The following ADAMTS19 variants were observed in gnomAD, a reference collection of about 807,000 sequenced individuals.
The protein encoded by ADAMTS19 is A disintegrin and metalloproteinase with thrombospondin motifs 19.
Under a neutral mutation model 153.3 loss-of-function variants are expected in ADAMTS19, and 93 were observed. The ratio of observed to expected loss-of-function variants is 0.61; its 90% CI spans 0.51 to 0.72. The LOEUF is 0.72. Ranked by LOEUF, ADAMTS19 falls within the 30% of genes least tolerant of loss-of-function variation. The pLI, the probability that ADAMTS19 is intolerant of heterozygous loss-of-function variation, is 0.00. For synonymous variants in ADAMTS19, 600 were observed against 556.6 expected, an observed-to-expected ratio of 1.08 and a Z score of -1.10; for missense variants, 1,482 against 1,552.1, an observed-to-expected ratio of 0.95 and a Z score of 0.76.
chr5:129,610,353 A>G (rs1477149971), intron 8 of ADAMTS19, among the ~76,000 whole-genome samples: 1 of 152,076 alleles, frequency 6.6e-6, no homozygotes, highest in Non-Finnish European at 1.5e-5. Flanking sequence ...GGTTTGTTAC[A>G]TATGTATACA....
At chr5:129,595,023 G>A (rs1449075549) in intron 7 of ADAMTS19, among the ~76,000 whole-genome samples, 1 of 151,908 alleles carries the variant, frequency 6.6e-6, no homozygotes, top group Non-Finnish European at 1.5e-5. Context: ...AATTTGTAAA[G>A]ATATAAAAAA....
Position 129,658,346 on chromosome 5 carries a change from A to AG in ADAMTS19, c.2305-271_2305-270insG, listed in dbSNP as rs1272023584. ...GAAAGAAAGAAAGAAAGAAAGAAAG[A>AG]AAGAAAGAAAGAAAGAAAGAAAGAG... On this transcript the variant is annotated intron_variant, in intron 14 of 22. Coordinates refer to ENST00000274487, the MANE Select transcript of ADAMTS19 (RefSeq NM_133638.6). Among the ~76,000 whole-genome samples the AG allele has an allele frequency of 4.5e-3, 679 of 149,850 alleles. 16 individuals carry two copies. The highest frequency in any genetic ancestry group is 0.012 in the South Asian group (58 of 4,718).
chr5:129,502,970 G>A (rs1235370246), intron 2 of ADAMTS19, among the ~76,000 whole-genome samples: 1 of 152,190 alleles, frequency 6.6e-6, no homozygotes, highest in East Asian at 1.9e-4. Context: ...TTGGAGAAAG[G>A]ACAGGGTCTG....
At chr5:129,677,668 T>C (rs67024572) in intron 16 of ADAMTS19, among the ~76,000 whole-genome samples, 8,878 of 152,186 alleles carry the variant, frequency 0.058, 403 homozygotes, top group African/African-American at 0.13. Flanking sequence ...CAAATCTTGA[T>C]ATTTTCATCC....
chr5:129,662,943 G>T (rs1311980806), intron 15 of ADAMTS19, among the ~76,000 whole-genome samples: 1 of 134,428 alleles, frequency 7.4e-6, no homozygotes, highest in African/African-American at 2.9e-5. Context: ...CACCCAGGCT[G>T]GAGTACAGTG....
intron 10 of ADAMTS19, among the ~76,000 whole-genome samples, chr5:129,636,531 C>A (rs1043985795): frequency 3.3e-5 from 5 of 152,190 alleles, no homozygotes; most frequent in Non-Finnish European, 7.3e-5. Flanking sequence ...GAGTCCCTTG[C>A]AGCTTGCTGC....
At chr5:129,523,949 A>G (rs1033970030) in intron 3 of ADAMTS19, among the ~76,000 whole-genome samples, 1 of 152,202 alleles carries the variant, frequency 6.6e-6, no homozygotes, top group African/African-American at 2.4e-5. Flanking sequence ...TCTTCACAGA[A>G]TTAGAAAAAC....
intron 10 of ADAMTS19, among the ~76,000 whole-genome samples, chr5:129,626,525 T>A (rs1404676936): frequency 6.6e-6 from 1 of 152,062 alleles, no homozygotes; most frequent in East Asian, 1.9e-4. Context: ...TAATAAAGTT[T>A]TAGGTTTAAG....
intron 16 of ADAMTS19, among the ~76,000 whole-genome samples, chr5:129,666,427 T>C (rs1156344775): frequency 5.3e-5 from 8 of 152,136 alleles, no homozygotes; most frequent in Admixed American, 5.2e-4. Context: ...TTAACAAAAA[T>C]AATGTCCTCC....
At chr5:129,729,349 C>A (rs1757339149) in intron 21 of ADAMTS19, among the ~76,000 whole-genome samples, 1 of 151,610 alleles carries the variant, frequency 6.6e-6, no homozygotes, top group Non-Finnish European at 1.5e-5. Flanking sequence ...TAGAAGATAA[C>A]TTGGGATTTC....
At position 129,608,716 on chromosome 5, in the gene ADAMTS19, G is replaced by A. The variant is rs144473360; in HGVS notation, c.1479-11902G>A. Among the ~76,000 whole-genome samples, 1,070 of 152,092 alleles carry A rather than the reference G, an allele frequency of 7.0e-3. 13 individuals carry two copies. Among genetic ancestry groups the A allele is most frequent in the African/African-American group, 0.024 (1,013 of 41,494 alleles). The stretch of plus-strand genomic sequence containing the variant: ...TCAGGCGGATCACTTGAGTTCAGGA[G>A]TTCAAGACCATTCTGGCCACCATGC... On this transcript the variant is annotated intron_variant, in intron 8 of 22. Coordinates refer to ENST00000274487, the MANE Select transcript of ADAMTS19 (RefSeq NM_133638.6).
chr5:129,656,562 G>A (rs1332535561), intron 14 of ADAMTS19, among the ~76,000 whole-genome samples: 3 of 152,148 alleles, frequency 2.0e-5, no homozygotes, highest in South Asian at 2.1e-4. Context: ...CGTATCTCCC[G>A]CACACCAGTG....
At chr5:129,460,953 TG>T in intron 1 of ADAMTS19, 148 bp from the exon 2 acceptor site, 1 of 1,174,722 alleles carries the variant, frequency 8.5e-7, no homozygotes, top group Non-Finnish European at 1.1e-6. Flanking sequence ...GCAAGGCTTC[TG>T]GGGTTGCAGA....
At chr5:129,661,838 A>G (rs887305776) in intron 15 of ADAMTS19, among the ~76,000 whole-genome samples, 2 of 152,222 alleles carry the variant, frequency 1.3e-5, no homozygotes, top group Non-Finnish European at 2.9e-5. Context: ...TAAGGAGGAC[A>G]TGCTGTAAGA....
chr5:129,644,273 AT>A (rs1171611493), intron 11 of ADAMTS19, among the ~76,000 whole-genome samples: 1 of 152,192 alleles, frequency 6.6e-6, no homozygotes, highest in East Asian at 1.9e-4. Context: ...TCAAATATTC[AT>A]CTGTTTCAGC....
At chr5:129,620,274 T>A (rs1177558481) in intron 8 of ADAMTS19, among the ~76,000 whole-genome samples, 3 of 152,042 alleles carry the variant, frequency 2.0e-5, no homozygotes, top group Non-Finnish European at 4.4e-5. Flanking sequence ...AAGAATCTAG[T>A]GTGGTTAAAC....
intron 22 of ADAMTS19, 44 bp downstream of exon 22, chr5:129,735,153 T>C: frequency 6.8e-7 from 1 of 1,466,356 alleles, no homozygotes; most frequent in Non-Finnish European, 9.1e-7. Flanking sequence ...AACATAGAAA[T>C]GCTTATGGCT....
intron 2 of ADAMTS19, among the ~76,000 whole-genome samples, chr5:129,483,732 G>C (rs1291241666): frequency 2.0e-5 from 3 of 152,172 alleles, no homozygotes; most frequent in Non-Finnish European, 4.4e-5. Flanking sequence ...AGTTGTGCAT[G>C]GTTGTGGCCA....
At chr5:129,631,885 T>C (rs1445130251) in intron 10 of ADAMTS19, among the ~76,000 whole-genome samples, 1 of 152,070 alleles carries the variant, frequency 6.6e-6, no homozygotes, top group East Asian at 1.9e-4. Flanking sequence ...ATTTTATAAT[T>C]TATTTTTTAA....
Sources: gnomAD v4.1 joint callset for allele counts (sites outside exome capture counted in the v4.1 genomes callset) on GRCh38, gnomAD v4.1.1 for gene constraint, MANE v1.5 for transcripts, NCBI Gene and HGNC (gene_info 2026-07-23, HGNC 2026-07-21) for gene names.